Variants in CHIT1 observed in about 807,000 individuals in gnomAD.
CHIT1 encodes chitotriosidase-1.
Under a neutral mutation model 52.0 loss-of-function variants are expected in CHIT1, and 47 were observed. The ratio of observed to expected loss-of-function variants is 0.90; its 90% CI spans 0.71 to 1.15. The LOEUF (loss-of-function observed/expected upper bound fraction) is 1.15, where lower values mean the gene tolerates loss of function less well. Ranked by LOEUF, CHIT1 falls within the 50% of genes most tolerant of loss-of-function variation. The pLI, the probability that CHIT1 is intolerant of heterozygous loss-of-function variation, is 0.00. For synonymous variants in CHIT1, 242 were observed against 228.2 expected (o/e 1.06, Z -0.54); for missense variants, 569 against 583.0 (o/e 0.98, Z 0.25).
rs746193459 is a variant in CHIT1, at chr1:203,223,548, C to G, written c.427G>C (p.Gly143Arg). ...TCTACGGCAGGGCTCCCCTGGCTTC[C>G]TGGGTACTCCCAGTCAAGGTCAAGG... The part of the protein sequence containing the change: ...DGLDLDWEYP[G>R]SQGSPAVDKE... Residue 143 changes from glycine (G) to arginine (R), a missense_variant, in exon 5 of 11, where the codon GGA becomes CGA. Transcript: ENST00000367229. 3 of 1,614,234 alleles carry G rather than the reference C, an allele frequency of 1.9e-6. No homozygotes were observed. In the South Asian group the frequency reaches 3.3e-5, roughly 18 times the overall value.
chr1:203,219,629 C>T, intron 8 of CHIT1, 35 bp downstream of exon 8: 1 of 1,612,222 alleles, frequency 6.2e-7, no homozygotes, highest in Non-Finnish European at 8.5e-7. Context: ...CCCCCTGACC[C>T]TCACAATACC....
At chr1:203,229,708 AC>A, upstream of CHIT1, 1 of 1,543,998 alleles carries the variant, frequency 6.5e-7, no homozygotes, top group Non-Finnish European at 8.9e-7. Context: ...TTATCTGGCC[AC>A]CCTGTCCCAC....
chr1:203,228,492 C>A (rs373310431), intron 2 of CHIT1, 41 bp downstream of exon 2: 238 of 1,569,626 alleles, frequency 1.5e-4, no homozygotes, highest in Non-Finnish European at 2.0e-4. Context: ...TAAGCAGAGC[C>A]CAGGGAAGGG....
intron 10 of CHIT1, 65 bp downstream of exon 10, chr1:203,217,674 A>C: frequency 6.2e-7 from 1 of 1,612,306 alleles, no homozygotes. Context: ...AGTTCATTGG[A>C]TGCATGGAGC....
At chr1:203,220,278 A>G (rs1178368306) in intron 7 of CHIT1, among the ~76,000 whole-genome samples, 1 of 152,230 alleles carries the variant, frequency 6.6e-6, no homozygotes. Flanking sequence ...GGGCATTGTG[A>G]GAATTAAAGG....
chr1:203,221,045 A>G (rs906213733), intron 7 of CHIT1, among the ~76,000 whole-genome samples: 2 of 152,184 alleles, frequency 1.3e-5, no homozygotes, highest in African/African-American at 4.8e-5. Flanking sequence ...AAACTCACAC[A>G]GTCTTCCAGA....
At chr1:203,224,911 C>A in intron 4 of CHIT1, 137 bp downstream of exon 4, 1 of 783,730 alleles carries the variant, frequency 1.3e-6, no homozygotes, top group East Asian at 2.7e-5. Flanking sequence ...AAATTCAGCC[C>A]TCAGAGTTCA....
chr1:203,225,326 G>A (rs1280775340), intron 3 of CHIT1, among the ~76,000 whole-genome samples: 2 of 152,066 alleles, frequency 1.3e-5, no homozygotes, highest in African/African-American at 4.8e-5. Context: ...CAGGAAGCAA[G>A]GATTGGGGCA....
rs1277187194 is a variant in CHIT1 at position 203,216,239 on chromosome 1, G to C, written c.*650C>G. ...TTCCTTCTTCATCTGGTGAACGGGG[G>C]CAGTAGGTGAGATAGGGCCTGCAAA... is the stretch of plus-strand genomic sequence containing the variant. On this transcript the variant is annotated 3_prime_UTR_variant, in exon 11 of 11. Coordinates refer to ENST00000367229, the MANE Select transcript of CHIT1 (RefSeq NM_003465.3). 1 of 454,084 alleles carries C rather than the reference G, an allele frequency of 2.2e-6. No homozygotes were observed. Among genetic ancestry groups the C allele is most frequent in the Non-Finnish European group, 4.4e-6 (1 of 226,780 alleles). 28.1% of individuals were successfully genotyped at this position (454,084 alleles called of 1,614,324 possible). A position where few individuals can be genotyped will look rare whatever the true frequency, so the allele number is the denominator to read the frequency against.
chr1:203,222,012 G>A (rs1656754440), intron 7 of CHIT1, among the ~76,000 whole-genome samples, 190 bp downstream of exon 7: 2 of 152,212 alleles, frequency 1.3e-5, no homozygotes, highest in African/African-American at 4.8e-5. Flanking sequence ...CCACAGAAGT[G>A]AGGTTTCCCC....
intron 7 of CHIT1, among the ~76,000 whole-genome samples, chr1:203,220,359 T>C (rs941456123): frequency 6.6e-6 from 1 of 152,240 alleles, no homozygotes; most frequent in Non-Finnish European, 1.5e-5. Context: ...ATCATGATTG[T>C]TGTCTTAGTT....
rs16851144 is a variant in CHIT1, at chr1:203,229,604, C to T, written c.25+8G>A. The T allele has an allele frequency of 7.2e-5, 117 of 1,614,042 alleles. No homozygotes were observed. In the East Asian group the frequency reaches 1.9e-3, roughly 26 times the overall value. ...TCCCGAGACCCAGCCCACTATCCGA[C>T]GGCTCACCTGCCCAGGCCACAGACC... is the stretch of plus-strand genomic sequence containing the variant. On this transcript the variant is annotated splice_region_variant and intron_variant, in intron 1 of 10. Coordinates refer to ENST00000367229, the MANE Select transcript of CHIT1 (RefSeq NM_003465.3).
Position 203,216,132 on chromosome 1 carries a change from C to A in CHIT1, c.*757G>T. 1 of 454,132 alleles carries A rather than the reference C, an allele frequency of 2.2e-6. No homozygotes were observed. The highest frequency in any genetic ancestry group is 2.0e-5 in the African/African-American group (1 of 50,118). 28.1% of individuals were successfully genotyped at this position (454,132 alleles called of 1,614,324 possible). On this transcript the variant is annotated 3_prime_UTR_variant, in exon 11 of 11. Coordinates refer to ENST00000367229, the MANE Select transcript of CHIT1 (RefSeq NM_003465.3). ...GACACCGTGTGCATGCTCTCTGGCCCATTTCAGGCCTTGGTTCTGGACTCA... is the reference window on the plus strand; with the variant it reads ...GACACCGTGTGCATGCTCTCTGGCCAATTTCAGGCCTTGGTTCTGGACTCA...
At position 203,216,959 on chromosome 1, in the gene CHIT1, C is replaced by T. The variant is rs1347685066; in HGVS notation, c.1331G>A (p.Arg444Gln). Residue 444 changes from arginine to glutamine, a missense_variant, in exon 11 of 11, where the codon CGG becomes CAG. By Grantham distance (43) the Arg-to-Gln change is conservative. Coordinates refer to ENST00000367229, the MANE Select transcript of CHIT1 (RefSeq NM_003465.3). ...TGTCGGGCAGCTTTGCTGGAACAGC[C>T]GCCCCGCTGCACAGCTGTAGAAGCT... Reference protein sequence around the residue: ...RSSFYSCAAGRLFQQSCPTGL... With the variant: ...RSSFYSCAAGQLFQQSCPTGL... 5.6e-6 allele frequency: 9 copies of T among 1,614,040 alleles called. No individual in the cohort carries two copies. The highest frequency in any genetic ancestry group is 3.3e-4 in the Middle Eastern group (2 of 6,084).
At chr1:203,222,407 T>G in intron 6 of CHIT1, 82 bp from the exon 7 acceptor site, 1 of 1,600,426 alleles carries the variant, frequency 6.2e-7, no homozygotes, top group South Asian at 1.1e-5. Context: ...ACCCCCTCAG[T>G]GCATGGCCTA....
At chr1:203,217,698 C>T (rs1571842061) in intron 10 of CHIT1, 41 bp downstream of exon 10, 1 of 1,613,906 alleles carries the variant, frequency 6.2e-7, no homozygotes, top group East Asian at 2.2e-5. Context: ...GTTTGTACCC[C>T]ACCTCCAAAT....
intron 4 of CHIT1, among the ~76,000 whole-genome samples, chr1:203,224,090 T>C (rs1048030217): frequency 6.6e-6 from 1 of 152,254 alleles, no homozygotes; most frequent in Non-Finnish European, 1.5e-5. Context: ...AGAATTTCTC[T>C]AATTCCTTTA....
At position 203,216,952 on chromosome 1, in the gene CHIT1, G is replaced by C. The variant is rs1209913234; in HGVS notation, c.1338C>G (p.Phe446Leu). ...SFYSCAAGRL[F>L]QQSCPTGLVF... ...CCAGGCCTGTCGGGCAGCTTTGCTG[G>C]AACAGCCGCCCCGCTGCACAGCTGT... Residue 446 changes from phenylalanine (F) to leucine (L), a missense_variant, in exon 11 of 11, where the codon TTC (phenylalanine) becomes TTG (leucine). Phe to Leu is a conservative substitution (Grantham distance 22). Coordinates refer to ENST00000367229, the MANE Select transcript of CHIT1 (RefSeq NM_003465.3). The C allele has an allele frequency of 1.2e-6, 2 of 1,614,190 alleles. No homozygotes were observed. Among genetic ancestry groups the C allele is most frequent in the South Asian group, 2.2e-5 (2 of 91,082 alleles).
intron 1 of CHIT1, 113 bp from the exon 2 acceptor site, chr1:203,228,675 C>G: frequency 8.0e-7 from 1 of 1,242,404 alleles, no homozygotes; most frequent in Non-Finnish European, 1.2e-6. Context: ...TCATACAAAT[C>G]AAGCTTTCTC....
Sources: allele counts gnomAD v4.1 joint callset (sites outside exome capture counted in the v4.1 genomes callset), GRCh38; gene constraint gnomAD v4.1.1; transcripts MANE v1.5; gene names NCBI Gene and HGNC (gene_info 2026-07-23, HGNC 2026-07-21).